PXDNL: variants seen among roughly 807,000 people sequenced by gnomAD.
PXDNL encodes probable oxidoreductase PXDNL.
A neutral mutation model predicts 150.8 loss-of-function variants in PXDNL; 145 were observed. The observed-to-expected ratio is 0.96, with a 90% CI of 0.84 to 1.10. PXDNL has a LOEUF of 1.10. Among genes scored for constraint, PXDNL ranks in the 50% least tolerant of loss-of-function variants. The pLI is 0.00. For missense variants in PXDNL, 2,087 were observed against 1,873.9 expected (o/e 1.11, Z -2.10); for synonymous variants, 757 against 725.7 (o/e 1.04, Z -0.69).
chr8:51,757,370 G>A (rs1278751057), intron 1 of PXDNL, among the ~76,000 whole-genome samples: 2 of 152,158 alleles, frequency 1.3e-5, no homozygotes, highest in South Asian at 2.1e-4. Context: ...AGCAGGCTCC[G>A]CAGTGCCCAT....
chr8:51,655,316 T>C (rs955771995), intron 1 of PXDNL, among the ~76,000 whole-genome samples: 9 of 152,210 alleles, frequency 5.9e-5, no homozygotes, highest in African/African-American at 2.2e-4. Context: ...TCCACATCTT[T>C]TTTATTCAGC....
At chr8:51,385,255 A>G (rs1431819425) in intron 17 of PXDNL, among the ~76,000 whole-genome samples, 2 of 152,124 alleles carry the variant, frequency 1.3e-5, no homozygotes, top group African/African-American at 4.8e-5. Flanking sequence ...CTAAATAAAC[A>G]TCAAGTGTTA....
intron 19 of PXDNL, 38 bp from the exon 20 acceptor site, chr8:51,345,985 G>A (rs753433885): frequency 8.1e-7 from 1 of 1,241,582 alleles, no homozygotes; most frequent in Non-Finnish European, 1.2e-6. Context: ...CATCATGTGA[G>A]ATGCGATGTC....
chr8:51,450,764 C>A (rs1206644915), intron 10 of PXDNL, among the ~76,000 whole-genome samples: 1 of 152,028 alleles, frequency 6.6e-6, no homozygotes, highest in African/African-American at 2.4e-5. Flanking sequence ...GAAAACAGCC[C>A]ACAAATCAGC....
At chr8:51,616,682 AAAT>A (rs1240237511) in intron 2 of PXDNL, among the ~76,000 whole-genome samples, 1 of 152,190 alleles carries the variant, frequency 6.6e-6, no homozygotes, top group African/African-American at 2.4e-5. Flanking sequence ...TAGATTACTT[AAAT>A]ACCTAAAATA....
chr8:51,330,390 TAA>T (rs113271586), intron 21 of PXDNL, among the ~76,000 whole-genome samples: 425 of 150,722 alleles, frequency 2.8e-3, no homozygotes, highest in African/African-American at 8.0e-3. Flanking sequence ...AGGGCAATAT[TAA>T]AAAAAAAATG....
chr8:51,364,363 T>C (rs542028854), intron 19 of PXDNL, among the ~76,000 whole-genome samples: 1 of 152,320 alleles, frequency 6.6e-6, no homozygotes, highest in African/African-American at 2.4e-5. Context: ...GTATTCCCAC[T>C]GGAAACCTTA....
intron 2 of PXDNL, among the ~76,000 whole-genome samples, chr8:51,598,488 T>A (rs139157335): frequency 6.6e-6 from 1 of 152,162 alleles, no homozygotes; most frequent in East Asian, 1.9e-4. Context: ...ATTAAGATTA[T>A]CATATGGTTT....
intron 19 of PXDNL, among the ~76,000 whole-genome samples, chr8:51,367,533 G>A (rs941621276): frequency 2.0e-5 from 3 of 151,972 alleles, no homozygotes; most frequent in African/African-American, 4.8e-5. Flanking sequence ...TCATTAAAAA[G>A]CCTATATCCT....
intron 4 of PXDNL, among the ~76,000 whole-genome samples, chr8:51,552,394 G>T (rs539964213): frequency 6.9e-4 from 105 of 152,230 alleles, no homozygotes; most frequent in African/African-American, 2.5e-3. Context: ...GTTTATAGCA[G>T]CACAATTTGC....
chr8:51,635,067 G>T (rs926173581), intron 2 of PXDNL, among the ~76,000 whole-genome samples: 1 of 152,080 alleles, frequency 6.6e-6, no homozygotes. Context: ...TTTTTAAGGG[G>T]AATGCTTCCA....
intron 1 of PXDNL, among the ~76,000 whole-genome samples, chr8:51,741,994 C>T (rs1416307931): frequency 6.6e-6 from 1 of 152,208 alleles, no homozygotes; most frequent in Admixed American, 6.5e-5. Flanking sequence ...ACCAAATATG[C>T]TTCAGTGTTT....
intron 1 of PXDNL, among the ~76,000 whole-genome samples, chr8:51,687,607 C>T (rs1323419316): frequency 6.6e-6 from 1 of 152,200 alleles, no homozygotes; most frequent in African/African-American, 2.4e-5. Flanking sequence ...TTCCACTTGA[C>T]CCAACAGTTT....
intron 2 of PXDNL, among the ~76,000 whole-genome samples, chr8:51,613,428 A>G (rs1814061177): frequency 7.5e-6 from 1 of 133,902 alleles, no homozygotes; most frequent in Non-Finnish European, 1.5e-5. Flanking sequence ...AGTACACGTG[A>G]TCACCCAGAG....
intron 4 of PXDNL, among the ~76,000 whole-genome samples, chr8:51,511,921 T>A (rs2130348139): frequency 6.6e-6 from 1 of 152,326 alleles, no homozygotes; most frequent in African/African-American, 2.4e-5. Flanking sequence ...TGAACCTGAA[T>A]GCCCCCATCA....
chr8:51,664,474 C>T (rs1320751857), intron 1 of PXDNL, among the ~76,000 whole-genome samples: 1 of 152,080 alleles, frequency 6.6e-6, no homozygotes, highest in African/African-American at 2.4e-5. Context: ...CTCCAAATGC[C>T]CGTGTGCCTG....
intron 8 of PXDNL, among the ~76,000 whole-genome samples, chr8:51,470,217 A>G (rs1455252369): frequency 2.0e-5 from 3 of 152,110 alleles, no homozygotes; most frequent in Admixed American, 1.3e-4. Flanking sequence ...ACTTCTATCA[A>G]TTGAAGTCTT....
At chr8:51,509,396 G>A (rs543895066) in intron 4 of PXDNL, among the ~76,000 whole-genome samples, 12 of 151,890 alleles carry the variant, frequency 7.9e-5, no homozygotes, top group East Asian at 1.9e-4. Flanking sequence ...AATGTACATC[G>A]CTCACAATGA....
intron 19 of PXDNL, among the ~76,000 whole-genome samples, chr8:51,351,177 C>T (rs2915463): frequency 0.75 from 113,778 of 151,596 alleles, 43,066 homozygotes; most frequent in East Asian, 0.94. Flanking sequence ...ATGATACAAA[C>T]ACATTTTTAT....
Sources: allele counts gnomAD v4.1 joint callset (sites outside exome capture counted in the v4.1 genomes callset), GRCh38; gene constraint gnomAD v4.1.1; transcripts MANE v1.5; gene names NCBI Gene and HGNC (gene_info 2026-07-23, HGNC 2026-07-21).